The following SH3RF2 variants were observed in gnomAD, a reference collection of about 807,000 sequenced individuals.
SH3RF2 encodes E3 ubiquitin-protein ligase SH3RF2.
Under a neutral mutation model 59.0 loss-of-function variants are expected in SH3RF2, and 43 were observed. That is an observed-to-expected ratio of 0.73 (90% CI 0.57 to 0.94). SH3RF2 has a LOEUF of 0.94. SH3RF2 is among the 40% of genes least tolerant of loss of function. The pLI is 0.00. For missense variants in SH3RF2, 930 were observed against 940.1 expected (o/e 0.99, Z 0.14); for synonymous variants, 391 against 391.5 (o/e 1.00, Z 0.01).
chr5:146,019,407 A>C (rs1014940894), intron 5 of SH3RF2, among the ~76,000 whole-genome samples: 2 of 152,174 alleles, frequency 1.3e-5, no homozygotes, highest in Admixed American at 6.5e-5. Context: ...TTTGTCAAAA[A>C]TCATTTGTTT....
At chr5:146,050,722 T>G (rs1384074613) in intron 7 of SH3RF2, among the ~76,000 whole-genome samples, 1 of 152,164 alleles carries the variant, frequency 6.6e-6, no homozygotes, top group Non-Finnish European at 1.5e-5. Flanking sequence ...GAGAGACAAA[T>G]TTTTAAAACC....
intron 7 of SH3RF2, among the ~76,000 whole-genome samples, chr5:146,053,468 ATCC>A (rs971279202): frequency 3.6e-4 from 55 of 151,528 alleles, no homozygotes; most frequent in African/African-American, 1.3e-3. Flanking sequence ...AAGAAATGCA[ATCC>A]TCCTCCTCCT....
chr5:145,983,034 T>C (rs1759563760), intron 2 of SH3RF2, among the ~76,000 whole-genome samples: 2 of 152,134 alleles, frequency 1.3e-5, no homozygotes, highest in Admixed American at 6.6e-5. Flanking sequence ...ATCCCAGTTG[T>C]AGAAAGGCAA....
intron 2 of SH3RF2, among the ~76,000 whole-genome samples, chr5:145,966,994 C>A (rs986055589): frequency 9.9e-5 from 15 of 152,098 alleles, no homozygotes; most frequent in African/African-American, 3.6e-4. Context: ...GCACTCCAAC[C>A]TGGGTGACAG....
At chr5:145,974,934 A>G (rs977855009) in intron 2 of SH3RF2, among the ~76,000 whole-genome samples, 1 of 152,226 alleles carries the variant, frequency 6.6e-6, no homozygotes, top group South Asian at 2.1e-4. Flanking sequence ...CCACCCAATT[A>G]AAAAAATAGA....
intron 5 of SH3RF2, among the ~76,000 whole-genome samples, chr5:146,045,868 G>T (rs1344900150): frequency 6.6e-6 from 1 of 152,168 alleles, no homozygotes; most frequent in Non-Finnish European, 1.5e-5. Flanking sequence ...GGGTCATATG[G>T]TAATCCTATG....
In SH3RF2 at chr5:145,992,616, T is replaced by C. The variant is rs555541516; in HGVS notation, c.379-7442T>C. ...TCATGGCAGAAGGCAAGGAGGAGCATGTCACATCTTACATGGATGACAGCA... is the reference window on the plus strand; with the variant it reads ...TCATGGCAGAAGGCAAGGAGGAGCACGTCACATCTTACATGGATGACAGCA... On this transcript the variant is annotated intron_variant, in intron 2 of 9. Transcript: ENST00000359120. Among the ~76,000 whole-genome samples the C allele has an allele frequency of 2.6e-5, 4 of 151,852 alleles. No individual in the cohort carries two copies. In the East Asian group the frequency reaches 7.7e-4, roughly 29 times the overall value.
At chr5:145,997,094 C>T (rs1368731890) in intron 2 of SH3RF2, 4 of 588,740 alleles carry the variant, frequency 6.8e-6, no homozygotes, top group Admixed American at 2.9e-5. Flanking sequence ...CAGGTAAACT[C>T]GTATCACGGG....
In SH3RF2 at chr5:146,003,178, T is replaced by A. The variant is rs79728402; in HGVS notation, c.649-880T>A. On this transcript the variant is annotated intron_variant, in intron 3 of 9. Coordinates refer to ENST00000359120, the MANE Select transcript of SH3RF2 (RefSeq NM_152550.4). ...TGGCATTAAATTAAAAAAATCACTG[T>A]GTCCCATATGGCTTCATCTGTGTGA... Among the ~76,000 whole-genome samples, 985 of 152,304 alleles carry A rather than the reference T, an allele frequency of 6.5e-3. 4 individuals carry two copies. The highest frequency in any genetic ancestry group is 0.011 in the Non-Finnish European group (765 of 68,014).
At chr5:145,984,551 T>C (rs908314861) in intron 2 of SH3RF2, among the ~76,000 whole-genome samples, 1 of 152,224 alleles carries the variant, frequency 6.6e-6, no homozygotes, top group Non-Finnish European at 1.5e-5. Context: ...GAAAAATGAT[T>C]GCAAATAACT....
intron 2 of SH3RF2, among the ~76,000 whole-genome samples, chr5:145,976,714 T>C (rs73312163): frequency 0.085 from 12,948 of 152,238 alleles, 1,873 homozygotes; most frequent in African/African-American, 0.29. Flanking sequence ...TGTCACATAG[T>C]TAGCCCAGGC....
At chr5:146,058,057 G>T (rs1762747880) in intron 8 of SH3RF2, among the ~76,000 whole-genome samples, 1 of 151,578 alleles carries the variant, frequency 6.6e-6, no homozygotes, top group Non-Finnish European at 1.5e-5. Flanking sequence ...ATGCAGAGTT[G>T]CATCCTGAAA....
At chr5:145,997,493 G>A in intron 2 of SH3RF2, 1 of 1,591,650 alleles carries the variant, frequency 6.3e-7, no homozygotes, top group Non-Finnish European at 8.6e-7. Flanking sequence ...TACAATTTGG[G>A]AAAGATGCTT....
rs79767853 is a variant in SH3RF2, at chr5:145,967,623, C to T, written c.378+29317C>T. Among the ~76,000 whole-genome samples the T allele has an allele frequency of 3.7e-3, 561 of 152,198 alleles. 4 individuals carry two copies. The highest frequency in any genetic ancestry group is 0.013 in the African/African-American group (521 of 41,540). ...TTTCTAGCCAACAATTAGAACACTC[C>T]GAAGCTGAATTTATGGTGAGTTATT... On this transcript the variant is annotated intron_variant, in intron 2 of 9. Coordinates refer to ENST00000359120, the MANE Select transcript of SH3RF2 (RefSeq NM_152550.4).
intron 5 of SH3RF2, among the ~76,000 whole-genome samples, chr5:146,026,643 C>T (rs1041053334): frequency 3.3e-5 from 5 of 152,094 alleles, no homozygotes; most frequent in African/African-American, 9.7e-5. Flanking sequence ...TGTCAGGCCC[C>T]GCAGGTATTG....
chr5:146,025,846 A>G (rs1761512201), intron 5 of SH3RF2, among the ~76,000 whole-genome samples: 1 of 152,188 alleles, frequency 6.6e-6, no homozygotes, highest in Admixed American at 6.5e-5. Context: ...ATGACATTGA[A>G]ATTAAGTATC....
At chr5:145,958,516 C>T (rs1758502726) in intron 2 of SH3RF2, among the ~76,000 whole-genome samples, 1 of 152,150 alleles carries the variant, frequency 6.6e-6, no homozygotes, top group Non-Finnish European at 1.5e-5. Context: ...ACTCCTAAAC[C>T]AAGTTTATCA....
chr5:146,005,871 A>AAAG (rs34750869), intron 4 of SH3RF2, among the ~76,000 whole-genome samples: 1 of 151,068 alleles, frequency 6.6e-6, no homozygotes, highest in Admixed American at 6.6e-5. Context: ...AAAAAAAAAA[A>AAAG]GCTTAGCAAG....
At chr5:145,941,331 G>GA (rs972956492) in intron 2 of SH3RF2, among the ~76,000 whole-genome samples, 1 of 152,100 alleles carries the variant, frequency 6.6e-6, no homozygotes, top group African/African-American at 2.4e-5. Context: ...CCCATAGAGA[G>GA]AAAAAAATTG....
Sources: allele counts gnomAD v4.1 joint callset (sites outside exome capture counted in the v4.1 genomes callset), GRCh38; gene constraint gnomAD v4.1.1; transcripts MANE v1.5; gene names NCBI Gene and HGNC (gene_info 2026-07-23, HGNC 2026-07-21).